Variants in SDC2 observed in about 807,000 individuals in gnomAD.
The protein encoded by SDC2 is syndecan 2, also known as syndecan-2.
In SDC2, 13 loss-of-function variants were observed where a neutral mutation model predicts 22.2. That is an observed-to-expected ratio of 0.59 (90% confidence interval 0.38 to 0.93). SDC2 has a LOEUF of 0.93. Among genes scored for constraint, SDC2 ranks in the 40% least tolerant of loss-of-function variants. The pLI, the probability that SDC2 is intolerant of heterozygous loss-of-function variation, is 0.00. For missense variants in SDC2, 235 were observed against 246.8 expected (o/e 0.95, Z 0.32); for synonymous variants, 94 against 92.8 (o/e 1.01, Z -0.07).
chr8:96,508,464 G>T (rs2250211), intron 1 of SDC2, among the ~76,000 whole-genome samples: 32,178 of 149,112 alleles, frequency 0.22, 4,750 homozygotes, highest in African/African-American at 0.26. Context: ...CTGCACTCCA[G>T]CCTGGGTGAC....
At chr8:96,551,011 G>C (rs1814016771) in intron 1 of SDC2, among the ~76,000 whole-genome samples, 1 of 152,184 alleles carries the variant, frequency 6.6e-6, no homozygotes, top group Non-Finnish European at 1.5e-5. Context: ...GCGAGGGCTT[G>C]GAACTTGCCT....
At chr8:96,572,546 A>T (rs1814414159) in intron 1 of SDC2, among the ~76,000 whole-genome samples, 1 of 152,028 alleles carries the variant, frequency 6.6e-6, no homozygotes, top group South Asian at 2.1e-4. Flanking sequence ...CTCCCTTGGG[A>T]TGGCTAGATA....
chr8:96,609,862 A>T lies in SDC2; in HGVS notation c.*314A>T, dbSNP rs1294623578. On this transcript the variant is annotated 3_prime_UTR_variant, in exon 5 of 5. Transcript: ENST00000302190. Reference sequence around the variant, plus strand: ...ATTGTCTTTTTCCTATGACTCAAAGATGAAAGCTGTTTCATTTGTGTCAGC... The same window carrying T: ...ATTGTCTTTTTCCTATGACTCAAAGTTGAAAGCTGTTTCATTTGTGTCAGC... 5.4e-6 allele frequency: 1 copy of T among 184,462 alleles called. No individual in the cohort carries two copies. The highest frequency in any genetic ancestry group is 2.3e-5 in the African/African-American group (1 of 42,776). The allele number at this position is 184,462 out of a possible 1,614,324, so 11.4% of individuals were successfully genotyped here. A position where few individuals can be genotyped will look rare whatever the true frequency, so the allele number is the denominator to read the frequency against.
intron 1 of SDC2, among the ~76,000 whole-genome samples, chr8:96,593,192 T>C (rs1413484401): frequency 2.6e-5 from 4 of 152,234 alleles, no homozygotes; most frequent in African/African-American, 9.6e-5. Flanking sequence ...GTAAGTTTAG[T>C]GGAATGCAAC....
intron 1 of SDC2, among the ~76,000 whole-genome samples, chr8:96,525,850 A>C (rs890570563): frequency 6.6e-6 from 1 of 152,124 alleles, no homozygotes; most frequent in African/African-American, 2.4e-5. Flanking sequence ...TCAGGAAGAA[A>C]ACTAAGATAA....
At chr8:96,558,429 A>G (rs1184927421) in intron 1 of SDC2, among the ~76,000 whole-genome samples, 2 of 152,094 alleles carry the variant, frequency 1.3e-5, no homozygotes, top group African/African-American at 4.8e-5. Context: ...CATGGAGGAA[A>G]TCTTTTTAAG....
intron 3 of SDC2, among the ~76,000 whole-genome samples, chr8:96,606,100 G>A (rs1421219019): frequency 6.6e-6 from 1 of 152,172 alleles, no homozygotes; most frequent in Non-Finnish European, 1.5e-5. Flanking sequence ...CTTAGGAAGA[G>A]TAGTAGAGCT....
intron 1 of SDC2, among the ~76,000 whole-genome samples, chr8:96,516,105 C>T (rs906158557): frequency 1.3e-5 from 2 of 152,164 alleles, no homozygotes; most frequent in Admixed American, 1.3e-4. Context: ...CCATCTCAGA[C>T]CCTGCATTTG....
chr8:96,514,109 T>TA (rs1813368207), intron 1 of SDC2, among the ~76,000 whole-genome samples: 1 of 152,260 alleles, frequency 6.6e-6, no homozygotes, highest in Admixed American at 6.5e-5. Context: ...AACTTGCTGT[T>TA]AAACTGATGG....
intron 1 of SDC2, among the ~76,000 whole-genome samples, chr8:96,544,177 G>A (rs1029813487): frequency 1.8e-4 from 27 of 151,924 alleles, no homozygotes; most frequent in African/African-American, 5.8e-4. Flanking sequence ...AGTATTCCTT[G>A]TTAGGAAAAA....
chr8:96,568,145 G>A lies in SDC2; in HGVS notation c.61-25335G>A, dbSNP rs1227263113. Among the ~76,000 whole-genome samples the A allele has an allele frequency of 2.0e-5, 3 of 152,298 alleles. No individual in the cohort carries two copies. In the East Asian group the frequency reaches 5.8e-4, roughly 29 times the overall value. ...CCTTCTGTTACAAAGTTATAGGAGG[G>A]TTAAGCTAAGTACACCCTCTTTCTC... On this transcript the variant is annotated intron_variant, in intron 1 of 4. Transcript: ENST00000302190.
At chr8:96,570,257 G>A (rs548913942) in intron 1 of SDC2, among the ~76,000 whole-genome samples, 1 of 152,264 alleles carries the variant, frequency 6.6e-6, no homozygotes, top group South Asian at 2.1e-4. Flanking sequence ...CCTGTACAAA[G>A]GGAACGATAA....
chr8:96,555,016 C>A (rs781082670), intron 1 of SDC2, among the ~76,000 whole-genome samples: 1 of 152,060 alleles, frequency 6.6e-6, no homozygotes, highest in Non-Finnish European at 1.5e-5. Flanking sequence ...TTACCCTCCA[C>A]GTCAGCGCTT....
chr8:96,525,354 T>G (rs1223548758), intron 1 of SDC2, among the ~76,000 whole-genome samples: 1 of 152,170 alleles, frequency 6.6e-6, no homozygotes, highest in Non-Finnish European at 1.5e-5. Flanking sequence ...CTCCCACCTG[T>G]GCTCACTTCC....
At chr8:96,507,012 A>G (rs1380115461) in intron 1 of SDC2, among the ~76,000 whole-genome samples, 4 of 67,534 alleles carry the variant, frequency 5.9e-5, no homozygotes, top group Non-Finnish European at 1.1e-4. Flanking sequence ...CTGTCTCAGG[A>G]AAAAAAAAAA....
At chr8:96,525,074 A>G (rs1813557279) in intron 1 of SDC2, among the ~76,000 whole-genome samples, 1 of 152,200 alleles carries the variant, frequency 6.6e-6, no homozygotes, top group South Asian at 2.1e-4. Context: ...AGCTCATTCC[A>G]GAGGAATGAT....
chr8:96,584,383 G>A (rs1223829620), intron 1 of SDC2, among the ~76,000 whole-genome samples: 4 of 152,170 alleles, frequency 2.6e-5, no homozygotes, highest in African/African-American at 9.7e-5. Flanking sequence ...TATGCCTTGG[G>A]GCCTAGAATT....
At chr8:96,526,058 G>A (rs769640222) in intron 1 of SDC2, among the ~76,000 whole-genome samples, 14 of 152,062 alleles carry the variant, frequency 9.2e-5, no homozygotes, top group East Asian at 1.9e-4. Context: ...CCGTCAAATG[G>A]TAGAGTTAGT....
intron 1 of SDC2, among the ~76,000 whole-genome samples, chr8:96,504,547 T>C (rs1397168302): frequency 2.0e-5 from 3 of 152,232 alleles, no homozygotes; most frequent in Admixed American, 2.0e-4. Context: ...TTTTGCTTTT[T>C]GGTTATTTTG....
Sources: gnomAD v4.1 joint callset for allele counts (sites outside exome capture counted in the v4.1 genomes callset) on GRCh38, gnomAD v4.1.1 for gene constraint, MANE v1.5 for transcripts, NCBI Gene and HGNC (gene_info 2026-07-23, HGNC 2026-07-21) for gene names.